The following MKLN1 variants were observed in gnomAD, a reference collection of about 807,000 sequenced individuals.
MKLN1 encodes muskelin.
In MKLN1, 18 loss-of-function variants were observed where a neutral mutation model predicts 99.0. The ratio of observed to expected loss-of-function variants is 0.18; its 90% confidence interval spans 0.13 to 0.27. MKLN1 has a LOEUF of 0.27. MKLN1 is among the 10% of genes least tolerant of loss of function. The pLI is 1.00. For missense variants in MKLN1, 621 were observed against 875.9 expected, an observed-to-expected ratio of 0.71 and a Z score of 3.67; for synonymous variants, 288 against 293.2, an observed-to-expected ratio of 0.98 and a Z score of 0.18.
At chr7:131,133,840 T>G (rs1033361962) in intron 1 of MKLN1, among the ~76,000 whole-genome samples, 3 of 141,326 alleles carry the variant, frequency 2.1e-5, no homozygotes, top group Admixed American at 7.0e-5. Flanking sequence ...TTTTTTTTTT[T>G]TTTTTTGAGA....
intron 8 of MKLN1, among the ~76,000 whole-genome samples, chr7:131,418,975 A>G (rs1418854441): frequency 6.6e-6 from 1 of 152,164 alleles, no homozygotes; most frequent in Non-Finnish European, 1.5e-5. Context: ...ACTCTGATCA[A>G]GAGAAAACAA....
At chr7:131,384,727 T>A (rs934602139) in intron 2 of MKLN1, among the ~76,000 whole-genome samples, 1 of 152,200 alleles carries the variant, frequency 6.6e-6, no homozygotes, top group Non-Finnish European at 1.5e-5. Flanking sequence ...GTAACCTGTG[T>A]TCATATATTC....
At chr7:131,277,917 G>T (rs1797997644) in intron 3 of MKLN1, among the ~76,000 whole-genome samples, 2 of 151,916 alleles carry the variant, frequency 1.3e-5, no homozygotes, top group Non-Finnish European at 2.9e-5. Flanking sequence ...CAAAAGTAAA[G>T]GAAAAAAGTT....
At chr7:131,246,242 G>A (rs577526883) in intron 3 of MKLN1, among the ~76,000 whole-genome samples, 14 of 152,300 alleles carry the variant, frequency 9.2e-5, no homozygotes, top group Non-Finnish European at 2.1e-4. Flanking sequence ...ACCCTGCCTT[G>A]TCGGCTGCTG....
chr7:131,494,971 A>T lies in MKLN1; in HGVS notation c.*7243A>T, dbSNP rs1399534544. 2.0e-5 allele frequency: 3 copies of T among 152,208 alleles called. No individual in the cohort carries two copies. Among genetic ancestry groups the T allele is most frequent in the Admixed American group, 1.3e-4 (2 of 15,274 alleles). The allele number at this position is 152,208 out of a possible 1,614,324, so 9.4% of individuals were successfully genotyped here. A position where few individuals can be genotyped will look rare whatever the true frequency, so the allele number is the denominator to read the frequency against. On this transcript the variant is annotated 3_prime_UTR_variant, in exon 18 of 18. Coordinates refer to ENST00000352689, the MANE Select transcript of MKLN1 (RefSeq NM_013255.5). Reference sequence around the variant, plus strand: ...AAATGCTCTTTTTAAAGAGATTCTTATCTTGCTCCCACTCCAAAAGCTATG... The same window carrying T: ...AAATGCTCTTTTTAAAGAGATTCTTTTCTTGCTCCCACTCCAAAAGCTATG...
intron 1 of MKLN1, among the ~76,000 whole-genome samples, chr7:131,110,761 T>A (rs1795182464): frequency 6.6e-6 from 1 of 152,168 alleles, no homozygotes. Flanking sequence ...CATACCTCAT[T>A]CGGCTTAAAG....
chr7:131,487,473 G>C lies in MKLN1; in HGVS notation c.2087-134G>C. On this transcript the variant is annotated intron_variant, in intron 17 of 17. Transcript: ENST00000352689. This position sits in a 1 kb window ranked among gnomAD's most constrained non-coding sequence, Gnocchi z 4.7. ...CAGCCAGGTAGTAGAACTGGGGTCA[G>C]ATCAGTAGTGTCTGCCTGGTTTTGA... is the stretch of plus-strand genomic sequence containing the variant. 2.2e-6 allele frequency: 2 copies of C among 926,242 alleles called. No homozygotes were observed. Among genetic ancestry groups the C allele is most frequent in the East Asian group, 2.6e-5 (1 of 38,224 alleles). The allele number at this position is 926,242 out of a possible 1,614,324, so 57.4% of individuals were successfully genotyped here.
intron 3 of MKLN1, among the ~76,000 whole-genome samples, chr7:131,306,198 ACCT>A (rs1798464445): frequency 6.6e-6 from 1 of 151,790 alleles, no homozygotes. Context: ...AGTCAATTAA[ACCT>A]CCTTTCTTCA....
intron 15 of MKLN1, among the ~76,000 whole-genome samples, chr7:131,469,753 C>G (rs946892896): frequency 4.6e-5 from 7 of 152,086 alleles, no homozygotes; most frequent in African/African-American, 2.4e-5. Flanking sequence ...TAGAAATAAA[C>G]CTGTATGTAA....
intron 2 of MKLN1, among the ~76,000 whole-genome samples, chr7:131,163,646 A>C (rs1226349793): frequency 2.6e-5 from 4 of 152,204 alleles, no homozygotes; most frequent in Admixed American, 6.5e-5. Context: ...CAAAACTGTC[A>C]AGGAGAGAAA....
intron 12 of MKLN1, among the ~76,000 whole-genome samples, chr7:131,447,728 A>G (rs1249060232): frequency 1.3e-5 from 2 of 152,202 alleles, no homozygotes; most frequent in African/African-American, 4.8e-5. Flanking sequence ...CTTATAATCT[A>G]GCTAGTAGGT....
At position 131,265,643 on chromosome 7, in the gene MKLN1, T is replaced by C. The variant is rs187840475; in HGVS notation, c.-179+62669T>C. The stretch of plus-strand genomic sequence containing the variant: ...GGGCTGTGGCTGGGTCTATGTGAAT[T>C]CCCTCCTACCCAGCTTCCGTTCCAG... On this transcript the variant is annotated intron_variant, in intron 3 of 7. Coordinates refer to the MKLN1 transcript ENST00000416992. 5.9e-3 allele frequency among the ~76,000 whole-genome samples: 895 copies of C among 152,220 alleles called. 17 individuals are homozygous for C. Among genetic ancestry groups the C allele is most frequent in the Admixed American group, 0.022 (329 of 15,278 alleles).
chr7:131,353,553 C>T (rs940749622), intron 1 of MKLN1, among the ~76,000 whole-genome samples: 8 of 152,000 alleles, frequency 5.3e-5, no homozygotes, highest in Admixed American at 4.6e-4. Context: ...TTCGGAAATA[C>T]GTTCTCCCAG....
chr7:131,327,565 T>C (rs1428151193), upstream of MKLN1: 1 of 262,388 alleles, frequency 3.8e-6, no homozygotes, highest in Non-Finnish European at 7.3e-6. Flanking sequence ...CCCTTCCTGC[T>C]CCATAACTAC....
chr7:131,340,131 G>A (rs983431961), intron 1 of MKLN1, among the ~76,000 whole-genome samples: 3 of 151,684 alleles, frequency 2.0e-5, no homozygotes, highest in Non-Finnish European at 2.9e-5. Context: ...GTTTATTCTC[G>A]AGCTATCAGC....
chr7:131,377,528 G>A (rs1793701101), intron 2 of MKLN1, among the ~76,000 whole-genome samples: 1 of 151,816 alleles, frequency 6.6e-6, no homozygotes, highest in Non-Finnish European at 1.5e-5. Context: ...TCAAATTTTG[G>A]TATGTTAGTG....
At chr7:131,113,756 G>A (rs375607277) in intron 1 of MKLN1, among the ~76,000 whole-genome samples, 225 of 152,188 alleles carry the variant, frequency 1.5e-3, no homozygotes, top group Non-Finnish European at 2.2e-3. Context: ...CCACAGAAGC[G>A]GAGGTTGCAA....
chr7:131,405,516 A>G lies in MKLN1; in HGVS notation c.704-5790A>G, dbSNP rs571108165. Among the ~76,000 whole-genome samples, 9 of 152,162 alleles carry G rather than the reference A, an allele frequency of 5.9e-5. No individual in the cohort carries two copies. In the South Asian group the frequency reaches 1.7e-3, roughly 28 times the overall value. On this transcript the variant is annotated intron_variant, in intron 6 of 17. Coordinates refer to ENST00000352689, the MANE Select transcript of MKLN1 (RefSeq NM_013255.5). ...TTTGAGATTAATTTGCTGTCTTTTT[A>G]TAACAACTTTTTAAGCCAGATGCTT... is the stretch of plus-strand genomic sequence containing the variant.
upstream of MKLN1, among the ~76,000 whole-genome samples, chr7:131,326,103 A>G (rs1437728494): frequency 1.3e-5 from 2 of 152,242 alleles, no homozygotes; most frequent in African/African-American, 2.4e-5. Context: ...TAAGGTAAGA[A>G]GTGGAATTAT....
Sources: gnomAD v4.1 joint callset for allele counts (sites outside exome capture counted in the v4.1 genomes callset) on GRCh38, gnomAD v4.1.1 for gene constraint, Gnocchi (gnomAD v3.1) non-coding constraint, MANE v1.5 for transcripts, NCBI Gene and HGNC (gene_info 2026-07-23, HGNC 2026-07-21) for gene names.